The following PLCZ1 variants were observed in gnomAD, a reference collection of about 807,000 sequenced individuals.
PLCZ1 encodes 1-phosphatidylinositol 4,5-bisphosphate phosphodiesterase zeta-1.
In PLCZ1, 64 loss-of-function variants were observed where a neutral mutation model predicts 76.8. The observed-to-expected ratio is 0.83, with a 90% confidence interval of 0.68 to 1.03. The LOEUF is 1.03. Ranked by LOEUF, PLCZ1 falls within the 50% of genes least tolerant of loss-of-function variation. The pLI, the probability that PLCZ1 is intolerant of heterozygous loss-of-function variation, is 0.00. For synonymous variants in PLCZ1, 248 were observed against 230.8 expected (o/e 1.07, Z -0.68); for missense variants, 751 against 713.7 (o/e 1.05, Z -0.60).
rs140550681 is a variant in PLCZ1, at chr12:18,719,570, G to A, written c.430C>T (p.Leu144=). The A allele has an allele frequency of 6.9e-5, 110 of 1,604,860 alleles. No homozygotes were observed. The highest frequency in any genetic ancestry group is 9.1e-5 in the Non-Finnish European group (107 of 1,174,978). Residue 144 remains leucine (L), a synonymous_variant, in exon 5 of 15, where the codon CTA becomes TTA. Transcript: ENST00000266505. ...FTRYMDSREC[L]LFKNECRKVY... ...TTTCTACATTCATTTTTAAACAGTA[G>A]ACATTCACGTGAATCCATGTATCTT... is the stretch of plus-strand genomic sequence containing the variant.
the PLCZ1 span, among the ~76,000 whole-genome samples, chr12:18,647,327 G>C: frequency 6.6e-6 from 1 of 151,454 alleles, no homozygotes; most frequent in Non-Finnish European, 1.5e-5. Context: ...ACCAAGGGTA[G>C]AAAAACTACC....
chr12:18,652,719 A>G, the PLCZ1 span, among the ~76,000 whole-genome samples: 2,883 of 152,228 alleles, frequency 0.019, 37 homozygotes, highest in Middle Eastern at 0.048. Flanking sequence ...ACATTCATAC[A>G]ATGTTGCAAA....
chr12:18,701,643 TCC>T, intron 8 of PLCZ1, 47 bp downstream of exon 8: 3 of 1,357,182 alleles, frequency 2.2e-6, no homozygotes, highest in Non-Finnish European at 3.0e-6. Flanking sequence ...CTCCTCCTCC[TCC>T]TCCTCCTCTC....
the PLCZ1 span, among the ~76,000 whole-genome samples, chr12:18,673,482 G>T: frequency 6.6e-6 from 1 of 152,070 alleles, no homozygotes; most frequent in Non-Finnish European, 1.5e-5. Flanking sequence ...CAAGGAAAAA[G>T]CCAAAAATGA....
chr12:18,704,331 C>CT (rs1386638205), intron 7 of PLCZ1, among the ~76,000 whole-genome samples: 3 of 151,864 alleles, frequency 2.0e-5, no homozygotes, highest in Non-Finnish European at 4.4e-5. Flanking sequence ...TAATTCCTTT[C>CT]TTTTTTTCAA....
chr12:18,670,904 C>T, the PLCZ1 span, among the ~76,000 whole-genome samples: 12 of 152,040 alleles, frequency 7.9e-5, no homozygotes, highest in South Asian at 2.1e-4. Flanking sequence ...CAGTTTCGGC[C>T]GGGCACAGTG....
intron 2 of PLCZ1, 70 bp downstream of exon 2, chr12:18,737,291 A>G: frequency 2.6e-6 from 4 of 1,520,528 alleles, no homozygotes; most frequent in Non-Finnish European, 3.7e-6. Context: ...CGAAAAGAAT[A>G]ACAGCATCAA....
At chr12:18,724,947 G>C (rs921862651) in intron 3 of PLCZ1, among the ~76,000 whole-genome samples, 1 of 152,062 alleles carries the variant, frequency 6.6e-6, no homozygotes, top group African/African-American at 2.4e-5. Context: ...CAGAGTATAA[G>C]CTTGGTCATC....
chr12:18,736,208 G>A lies in PLCZ1; in HGVS notation c.135+13C>T. The stretch of plus-strand genomic sequence containing the variant: ...CCTAGGATAGGATAGGCAGGGGGTG[G>A]ATGTCATCTTACCTTAAAAATCTGT... On this transcript the variant is annotated intron_variant, in intron 3 of 14. Coordinates refer to ENST00000266505, the MANE Select transcript of PLCZ1 (RefSeq NM_033123.4). The A allele has an allele frequency of 6.2e-7, 1 of 1,610,934 alleles. No homozygotes were observed. Among genetic ancestry groups the A allele is most frequent in the East Asian group, 2.2e-5 (1 of 44,666 alleles).
Position 18,696,156 on chromosome 12 carries a change from G to T in PLCZ1, c.1285C>A (p.Gln429Lys). ...AATATCGTATATAACATACCCATTT[G>T]ACAACCTATATTCCAAAATTCTTGG... Reference protein sequence around the residue: ...NPQEFWNIGCQMVALNFQTPG... With the variant: ...NPQEFWNIGCKMVALNFQTPG... The change falls in exon 11 of 15, where the codon CAA becomes AAA. Residue 429 changes from glutamine (Q) to lysine (K), a missense_variant. Gln to Lys is a moderately conservative substitution (Grantham distance 53). Transcript: ENST00000266505. 6.7e-7 allele frequency: 1 copy of T among 1,503,644 alleles called. No homozygotes were observed. The highest frequency in any genetic ancestry group is 9.2e-7 in the Non-Finnish European group (1 of 1,083,762). The allele number at this position is 1,503,644 out of a possible 1,614,324, so 93.1% of individuals were successfully genotyped here.
intron 12 of PLCZ1, among the ~76,000 whole-genome samples, chr12:18,690,468 G>C (rs1010106467): frequency 1.3e-5 from 2 of 152,012 alleles, no homozygotes; most frequent in Non-Finnish European, 2.9e-5. Context: ...CAGGTAATCT[G>C]CCCACCTCAG....
At chr12:18,674,665 A>G in the PLCZ1 span, among the ~76,000 whole-genome samples, 1 of 151,996 alleles carries the variant, frequency 6.6e-6, no homozygotes, top group Non-Finnish European at 1.5e-5. Context: ...TTTTGCAACT[A>G]CTCCCATGAA....
the PLCZ1 span, among the ~76,000 whole-genome samples, chr12:18,657,689 G>A: frequency 2.0e-5 from 3 of 152,076 alleles, no homozygotes; most frequent in African/African-American, 2.4e-5. Context: ...ATAATAAGCA[G>A]CAACAACAAA....
At chr12:18,720,488 G>T (rs192372514) in intron 4 of PLCZ1, among the ~76,000 whole-genome samples, 1 of 151,008 alleles carries the variant, frequency 6.6e-6, no homozygotes, top group Non-Finnish European at 1.5e-5. Context: ...CAGAAGACTG[G>T]CTCTGGAAAC....
the PLCZ1 span, among the ~76,000 whole-genome samples, chr12:18,645,668 C>T: frequency 1.5e-4 from 23 of 152,052 alleles, no homozygotes; most frequent in African/African-American, 4.6e-4. Context: ...CTAATATGTT[C>T]CAGGCTTTGT....
chr12:18,689,637 A>G (rs540845923), intron 12 of PLCZ1, among the ~76,000 whole-genome samples: 1 of 152,304 alleles, frequency 6.6e-6, no homozygotes, highest in Non-Finnish European at 1.5e-5. Context: ...AGGAAGGGAT[A>G]TCAAACAATA....
chr12:18,652,260 C>T, the PLCZ1 span, among the ~76,000 whole-genome samples: 48 of 152,158 alleles, frequency 3.2e-4, no homozygotes, highest in Middle Eastern at 6.8e-3. Flanking sequence ...ATACCAGTCA[C>T]ATATAAGTAT....
At chr12:18,712,710 C>A (rs117677700) in intron 6 of PLCZ1, 132 bp downstream of exon 6, 24,385 of 1,089,004 alleles carry the variant, frequency 0.022, 368 homozygotes, top group Middle Eastern at 0.047. Context: ...GATTTCACTG[C>A]CTACTAATGG....
chr12:18,699,655 A>T (rs993197556), intron 10 of PLCZ1, 139 bp downstream of exon 10: 1 of 903,216 alleles, frequency 1.1e-6, no homozygotes, highest in Non-Finnish European at 1.8e-6. Flanking sequence ...GAGGTATGTA[A>T]CCCCATTCTA....
Sources: allele counts gnomAD v4.1 joint callset (sites outside exome capture counted in the v4.1 genomes callset), GRCh38; gene constraint gnomAD v4.1.1; transcripts MANE v1.5; gene names NCBI Gene and HGNC (gene_info 2026-07-23, HGNC 2026-07-21).